The following ZNF28 variants were observed in gnomAD, a reference collection of about 807,000 sequenced individuals.
ZNF28 encodes the protein zinc finger protein KOX24.
A neutral mutation model predicts 7.2 loss-of-function variants in ZNF28; 5 were observed. The ratio of observed to expected loss-of-function variants is 0.70; its 90% CI spans 0.36 to 1.46. The LOEUF (loss-of-function observed/expected upper bound fraction) is 1.46. Ranked by LOEUF, ZNF28 falls within the 40% of genes most tolerant of loss-of-function variation. The probability of loss-of-function intolerance (pLI) is 0.03; values close to 1 mark genes in which losing one functional copy is unlikely to be tolerated. For synonymous variants in ZNF28, 288 were observed against 292.4 expected (o/e 0.99, Z 0.15); for missense variants, 879 against 866.6 (o/e 1.01, Z -0.18).
chr19:52,807,636 G>A (rs1386103232), intron 3 of ZNF28, among the ~76,000 whole-genome samples: 3 of 152,052 alleles, frequency 2.0e-5, no homozygotes, highest in South Asian at 2.1e-4. Context: ...CACCATGCCC[G>A]GCTAACTTTT....
intron 2 of ZNF28, among the ~76,000 whole-genome samples, chr19:52,813,274 C>T (rs73592007): frequency 0.42 from 24,468 of 57,742 alleles, 4,104 homozygotes; most frequent in African/African-American, 0.6. Context: ...AAAAAAAAGA[C>T]ATACTGTGGA....
At position 52,810,768 on chromosome 19, in the gene ZNF28, T is replaced by TCAAAAAA. The variant is rs1555805983; in HGVS notation, c.16-2636_16-2635insTTTTTTG. ...AGGAAAGAAGGGGAAAAAAAAAGAATAAAAAAAAACCCAAAAAAAACAGAA... is the reference window on the plus strand; with the variant it reads ...AGGAAAGAAGGGGAAAAAAAAAGAATCAAAAAAAAAAAAAAACCCAAAAAAAACAGAA... On this transcript the variant is annotated intron_variant, in intron 2 of 3. Transcript: ENST00000457749. 6.9e-6 allele frequency: 3 copies of TCAAAAAA among 436,564 alleles called. No homozygotes were observed. The African/African-American group carries it at 9.9e-5, about 14-fold the overall frequency. 27.0% of individuals were successfully genotyped at this position (436,564 alleles called of 1,614,324 possible). A position where few individuals can be genotyped will look rare whatever the true frequency, so the allele number is the denominator to read the frequency against.
intron 2 of ZNF28, among the ~76,000 whole-genome samples, chr19:52,816,771 T>C (rs878989124): frequency 1.1e-5 from 1 of 93,986 alleles, no homozygotes; most frequent in Non-Finnish European, 2.1e-5. Context: ...ACAGAGGTTG[T>C]AGTAAGCTGA....
chr19:52,820,558 C>T (rs977184632), intron 1 of ZNF28, among the ~76,000 whole-genome samples: 17 of 151,964 alleles, frequency 1.1e-4, no homozygotes, highest in African/African-American at 3.6e-4. Context: ...AGTCTGGCAC[C>T]CCAGATCCCC....
At chr19:52,821,148 C>T (rs559909740) in intron 1 of ZNF28, among the ~76,000 whole-genome samples, 2 of 151,794 alleles carry the variant, frequency 1.3e-5, no homozygotes, top group Non-Finnish European at 2.9e-5. Flanking sequence ...AGCGACGACG[C>T]CTTCGGACAA....
intron 2 of ZNF28, among the ~76,000 whole-genome samples, chr19:52,811,859 C>G (rs1405022573): frequency 3.5e-5 from 5 of 141,778 alleles, no homozygotes; most frequent in African/African-American, 1.4e-4. Context: ...CCCCTCTGCC[C>G]GGCCAGCCGC....
At chr19:52,810,438 G>C (rs2063004561) in intron 2 of ZNF28, 2 of 1,600,562 alleles carry the variant, frequency 1.2e-6, no homozygotes, top group Admixed American at 3.3e-5. Flanking sequence ...CAAAGGGTTT[G>C]CATATATAGA....
intron 3 of ZNF28, chr19:52,807,753 G>A: frequency 1.7e-6 from 1 of 600,892 alleles, no homozygotes; most frequent in Non-Finnish European, 2.7e-6. Context: ...GGGATAACAG[G>A]CGTGAGCCAC....
chr19:52,800,244 G>C lies in ZNF28; in HGVS notation c.1601C>G (p.Thr534Arg). ...ATGATGACATGCAAGGTTTGCTTTT[G>C]TACTAAAAACCTTGCCACATTCATT... ...MCNECGKVFS[T>R]KANLACHHKL... The change falls in exon 4 of 4, where the codon ACA (threonine) becomes AGA (arginine). Residue 534 changes from threonine to arginine, a missense_variant. Physicochemically the swap from Thr to Arg is moderately conservative, Grantham distance 71. Transcript: ENST00000457749. 4 of 1,603,298 alleles carry C rather than the reference G, an allele frequency of 2.5e-6. No homozygotes were observed. The highest frequency in any genetic ancestry group is 1.4e-5 in the African/African-American group (1 of 71,470).
chr19:52,815,835 A>C (rs914477738), intron 2 of ZNF28, among the ~76,000 whole-genome samples: 2 of 146,774 alleles, frequency 1.4e-5, no homozygotes, highest in Non-Finnish European at 3.0e-5. Context: ...AAAAAAAATA[A>C]ATAACTATCG....
chr19:52,810,166 G>C (rs1974830), intron 2 of ZNF28: 653,352 of 951,008 alleles, frequency 0.69, 230,976 homozygotes, highest in Middle Eastern at 0.74. Context: ...ATCGAAGCTG[G>C]AGTCAGGGAG....
intron 2 of ZNF28, chr19:52,810,293 G>C (rs2063002206): frequency 6.6e-7 from 1 of 1,516,884 alleles, no homozygotes; most frequent in African/African-American, 1.4e-5. Context: ...AGGAGAAGAT[G>C]GAGGCTGATG....
chr19:52,797,710 TAA>T lies in ZNF28; in HGVS notation c.*1976_*1977del, dbSNP rs2062814087. On this transcript the variant is annotated 3_prime_UTR_variant, in exon 4 of 4. Coordinates refer to ENST00000457749, the MANE Select transcript of ZNF28 (RefSeq NM_006969.5). ...ATTGATCAAAATGATTAAAAACATA[TAA>T]ATACACATACAATCCATACTGATTG... 6.5e-6 allele frequency: 1 copy of T among 153,240 alleles called. No homozygotes were observed. Among genetic ancestry groups the T allele is most frequent in the Non-Finnish European group, 1.5e-5 (1 of 68,036 alleles). 9.5% of individuals were successfully genotyped at this position (153,240 alleles called of 1,614,324 possible).
rs2062822192 is a variant in ZNF28 at position 52,798,384 on chromosome 19, T to TA, written c.*1303dup. On this transcript the variant is annotated 3_prime_UTR_variant, in exon 4 of 4. Coordinates refer to ENST00000457749, the MANE Select transcript of ZNF28 (RefSeq NM_006969.5). ...ACTCAAACTCAGGTCAGTGCTCATT[T>TA]AACTGTAATGTCAATTAATGCTTGA... 1.3e-4 allele frequency: 47 copies of TA among 372,108 alleles called. No individual in the cohort carries two copies. The highest frequency in any genetic ancestry group is 1.0e-3 in the South Asian group (46 of 44,730). The allele number at this position is 372,108 out of a possible 1,614,324, so 23.1% of individuals were successfully genotyped here. A position where few individuals can be genotyped will look rare whatever the true frequency, so the allele number is the denominator to read the frequency against.
chr19:52,810,492 C>T lies in ZNF28; in HGVS notation c.16-2359G>A. 11 of 1,584,520 alleles carry T rather than the reference C, an allele frequency of 6.9e-6. No homozygotes were observed. In the South Asian group the frequency reaches 9.9e-5, roughly 14 times the overall value. On this transcript the variant is annotated intron_variant, in intron 2 of 3. Coordinates refer to ENST00000457749, the MANE Select transcript of ZNF28 (RefSeq NM_006969.5). ...AGGACTTCCTTGGCCTTGGATGAGTCCCTATTTAGAGGAAGGCAAATCAAG... is the reference window on the plus strand; with the variant it reads ...AGGACTTCCTTGGCCTTGGATGAGTTCCTATTTAGAGGAAGGCAAATCAAG...
chr19:52,800,936 T>A lies in ZNF28; in HGVS notation c.909A>T (p.Glu303Asp). The change falls in exon 4 of 4, where the codon GAA becomes GAT. Residue 303 changes from glutamate (E) to aspartate (D), a missense_variant. Glu to Asp is a conservative substitution (Grantham distance 45, BLOSUM62 2). This residue lies in a region of ZNF28 where 864 missense variants were observed against 830.2 expected (regional missense o/e 1.04). Coordinates refer to ENST00000457749, the MANE Select transcript of ZNF28 (RefSeq NM_006969.5). ...ATTTGCGACTGAAAACTTTGTCACA[T>A]TCTTCACATTCATAAGGTTTGTCTG... ...HTADKPYECE[E>D]CDKVFSRKSH... The A allele has an allele frequency of 6.2e-7, 1 of 1,614,168 alleles. No individual in the cohort carries two copies. The highest frequency in any genetic ancestry group is 8.5e-7 in the Non-Finnish European group (1 of 1,180,014).
intron 3 of ZNF28, among the ~76,000 whole-genome samples, chr19:52,802,802 C>G (rs1469839629): frequency 6.6e-6 from 1 of 150,876 alleles, no homozygotes; most frequent in African/African-American, 2.4e-5. Flanking sequence ...GCTCTGTCGC[C>G]CAGGCTGGAG....
chr19:52,800,047 C>T lies in ZNF28; in HGVS notation c.1798G>A (p.Val600Ile), dbSNP rs939646123. ...RDSHLAQHQR[V>I]HTGEKPYKCN... is the part of the protein sequence containing the mutation. ...TTGTAAGGTTTCTCTCCAGTATGAA[C>T]TCTCTGATGTTGTGCCAGGTGTGAA... is the stretch of plus-strand genomic sequence containing the variant. Residue 600 changes from valine (V) to isoleucine (I), a missense_variant, in exon 4 of 4, where the codon GTT becomes ATT. Physicochemically the swap from Val to Ile is conservative, Grantham distance 29. Coordinates refer to ENST00000457749, the MANE Select transcript of ZNF28 (RefSeq NM_006969.5). 5 of 1,613,752 alleles carry T rather than the reference C, an allele frequency of 3.1e-6. No individual in the cohort carries two copies. Among genetic ancestry groups the T allele is most frequent in the East Asian group, 4.5e-5 (2 of 44,854 alleles).
intron 2 of ZNF28, chr19:52,810,116 G>GGAGCCGGGACTGGTCGAGGGT: frequency 1.2e-6 from 1 of 818,952 alleles, no homozygotes; most frequent in Non-Finnish European, 2.1e-6. Context: ...AGGAGGGGGA[G>GGAGCCGGGACTGGTCGAGGGT]GAGCCGGGAC....
Sources: allele counts gnomAD v4.1 joint callset (sites outside exome capture counted in the v4.1 genomes callset), GRCh38; gene constraint gnomAD v4.1.1; regional missense constraint gnomAD v4.1.1; transcripts MANE v1.5; gene names NCBI Gene and HGNC (gene_info 2026-07-23, HGNC 2026-07-21).